Variants in UIMC1 observed in about 807,000 individuals in gnomAD.
UIMC1 encodes the protein BRCA1-A complex subunit RAP80.
In UIMC1, 42 loss-of-function variants were observed where a neutral mutation model predicts 84.9. That is an observed-to-expected ratio of 0.49 (90% confidence interval 0.39 to 0.64). The LOEUF is 0.64. Among genes scored for constraint, UIMC1 ranks in the 30% least tolerant of loss-of-function variants. The pLI, the probability that UIMC1 is intolerant of heterozygous loss-of-function variation, is 0.00. For missense variants in UIMC1, 825 were observed against 847.6 expected (o/e 0.97, Z 0.33); for synonymous variants, 281 against 293.0 (o/e 0.96, Z 0.42).
At chr5:176,917,544 C>G (rs1263229396) in intron 10 of UIMC1, among the ~76,000 whole-genome samples, 1 of 152,104 alleles carries the variant, frequency 6.6e-6, no homozygotes, top group African/African-American at 2.4e-5. Flanking sequence ...TGCACTCCAG[C>G]CTGGGCGACA....
intron 10 of UIMC1, among the ~76,000 whole-genome samples, chr5:176,924,797 T>G (rs1762173675): frequency 1.3e-5 from 2 of 151,762 alleles, no homozygotes; most frequent in South Asian, 4.2e-4. Context: ...TCCCAGCACT[T>G]TGGGAGGCTG....
At position 176,906,026 on chromosome 5, in the gene UIMC1, T is replaced by C. The variant is rs1282376095; in HGVS notation, c.1934A>G (p.Glu645Gly). 6.2e-7 allele frequency: 1 copy of C among 1,614,088 alleles called. No individual in the cohort carries two copies. Among genetic ancestry groups the C allele is most frequent in the Non-Finnish European group, 8.5e-7 (1 of 1,179,964 alleles). ...TCCAATTCACCTGAAGGCTCCTGTT[T>C]CTGAAGACTTGATGTCTGCATCTGT... ...KTSDADIKSS[E>G]TGAFRVPSPG... The change falls in exon 14 of 15, where the codon GAA (glutamate) becomes GGA (glycine). Residue 645 changes from glutamate (E) to glycine (G), a missense_variant. Glu to Gly is a moderately conservative substitution (Grantham distance 98, BLOSUM62 -2). Coordinates refer to ENST00000511320, the MANE Select transcript of UIMC1 (RefSeq NM_001199298.2).
chr5:176,905,982 G>A lies in UIMC1; in HGVS notation c.1949+29C>T, dbSNP rs970983102. ...CCTGCACTTTTCAGAAATGCTGACA[G>A]CCACAATTCAGTGCACAATCCAATT... On this transcript the variant is annotated intron_variant, in intron 14 of 14. Coordinates refer to ENST00000511320, the MANE Select transcript of UIMC1 (RefSeq NM_001199298.2). 9 of 1,613,654 alleles carry A rather than the reference G, an allele frequency of 5.6e-6. No homozygotes were observed. The African/African-American group carries it at 9.3e-5, about 17-fold the overall frequency.
chr5:176,985,613 T>C (rs1771865547), intron 1 of UIMC1, among the ~76,000 whole-genome samples: 2 of 152,136 alleles, frequency 1.3e-5, no homozygotes, highest in Admixed American at 6.6e-5. Flanking sequence ...ACAAGTTTTT[T>C]TTCTTTTTTG....
At chr5:177,009,367 C>T (rs571892029), upstream of UIMC1, among the ~76,000 whole-genome samples, 75 of 151,494 alleles carry the variant, frequency 5.0e-4, no homozygotes, top group Non-Finnish European at 8.8e-4. The surrounding 1 kb of genome is among the most constrained non-coding windows in gnomAD (Gnocchi z 4.3). Context: ...ATAATTATTT[C>T]AGAGCTTAGA....
chr5:176,999,077 A>G (rs951260969), intron 1 of UIMC1, among the ~76,000 whole-genome samples: 2 of 152,148 alleles, frequency 1.3e-5, no homozygotes, highest in Non-Finnish European at 2.9e-5. Context: ...CTGTAGTCCC[A>G]GCTACTCAGG....
At chr5:176,932,245 C>T (rs964553653) in intron 10 of UIMC1, among the ~76,000 whole-genome samples, 3 of 152,190 alleles carry the variant, frequency 2.0e-5, no homozygotes, top group African/African-American at 7.2e-5. Flanking sequence ...GCTGATAAGA[C>T]CTAGTGCCCA....
rs74372135 is a variant in UIMC1 at position 176,918,355 on chromosome 5, T to C, written c.1598-6966A>G. 6.8e-3 allele frequency among the ~76,000 whole-genome samples: 1,040 copies of C among 152,326 alleles called. 15 individuals carry two copies. Among genetic ancestry groups the C allele is most frequent in the African/African-American group, 0.024 (997 of 41,574 alleles). On this transcript the variant is annotated intron_variant, in intron 10 of 14. Transcript: ENST00000511320. ...GTTCCCTGACCTCTTGTTTATTAAT[T>C]CCTATGGCTCCTACCATCTCAGCCT...
At chr5:176,911,015 G>A (rs759490446) in intron 11 of UIMC1, among the ~76,000 whole-genome samples, 1 of 151,814 alleles carries the variant, frequency 6.6e-6, no homozygotes, top group African/African-American at 2.4e-5. Context: ...CTTGAACCCA[G>A]GAGGCGGAGG....
intron 1 of UIMC1, among the ~76,000 whole-genome samples, chr5:176,994,371 G>A (rs1055414392): frequency 1.3e-5 from 2 of 152,062 alleles, no homozygotes; most frequent in Non-Finnish European, 2.9e-5. Context: ...GCCTAACACT[G>A]TATATCCATT....
intron 10 of UIMC1, among the ~76,000 whole-genome samples, chr5:176,919,772 T>C (rs1387329059): frequency 6.6e-6 from 1 of 152,228 alleles, no homozygotes; most frequent in Non-Finnish European, 1.5e-5. Context: ...CTGAATTGTC[T>C]TGACATTCTT....
chr5:176,981,168 G>A (rs371445039), intron 2 of UIMC1, among the ~76,000 whole-genome samples: 4 of 137,220 alleles, frequency 2.9e-5, no homozygotes, highest in South Asian at 2.2e-4. Context: ...TTTTTGAGAC[G>A]GAGTCTCCCT....
chr5:176,913,978 AAATT>A (rs1372224017), intron 10 of UIMC1, among the ~76,000 whole-genome samples: 7 of 152,042 alleles, frequency 4.6e-5, no homozygotes, highest in Admixed American at 3.3e-4. Flanking sequence ...TCGTCTCAAA[AAATT>A]AATACCATAC....
intron 7 of UIMC1, among the ~76,000 whole-genome samples, chr5:176,957,417 G>A (rs1300625286): frequency 6.6e-6 from 1 of 152,138 alleles, no homozygotes; most frequent in African/African-American, 2.4e-5. Context: ...TAATAGTGCA[G>A]TTTATAATTA....
chr5:176,981,527 G>A (rs1026878646), intron 2 of UIMC1, among the ~76,000 whole-genome samples: 13 of 152,044 alleles, frequency 8.6e-5, no homozygotes, highest in Non-Finnish European at 1.6e-4. Flanking sequence ...TTGGCCAGAT[G>A]CAGTGGTTCA....
At chr5:176,981,072 G>A (rs572996958) in intron 2 of UIMC1, among the ~76,000 whole-genome samples, 1 of 151,764 alleles carries the variant, frequency 6.6e-6, no homozygotes, top group South Asian at 2.1e-4. Flanking sequence ...ATACGCTTAT[G>A]CCTTTAAAAT....
chr5:176,916,181 G>A (rs957617775), intron 10 of UIMC1, among the ~76,000 whole-genome samples: 7 of 152,188 alleles, frequency 4.6e-5, no homozygotes, highest in African/African-American at 1.7e-4. Flanking sequence ...GCTGCAGGCA[G>A]AGAATTCATT....
chr5:177,010,432 C>A (rs1408814423), upstream of UIMC1, among the ~76,000 whole-genome samples: 1 of 152,102 alleles, frequency 6.6e-6, no homozygotes, highest in Non-Finnish European at 1.5e-5. Context: ...CGTAAACACA[C>A]ATATTCTTAT....
intron 1 of UIMC1, among the ~76,000 whole-genome samples, chr5:176,994,732 G>T (rs892401508): frequency 3.9e-4 from 60 of 152,200 alleles, no homozygotes; most frequent in African/African-American, 1.4e-3. Context: ...GGTGCGGTGG[G>T]AATGTGACAG....
Sources: gnomAD v4.1 joint callset for allele counts (sites outside exome capture counted in the v4.1 genomes callset) on GRCh38, gnomAD v4.1.1 for gene constraint, Gnocchi (gnomAD v3.1) non-coding constraint, MANE v1.5 for transcripts, NCBI Gene and HGNC (gene_info 2026-07-23, HGNC 2026-07-21) for gene names.